The following ZNF347 variants were observed in gnomAD, a reference collection of about 807,000 sequenced individuals.
ZNF347 encodes the protein CTD-2620I22.7.
Under a neutral mutation model 12.9 loss-of-function variants are expected in ZNF347, and 19 were observed. That is an observed-to-expected ratio of 1.47 (90% CI 1.03 to 2.16). The LOEUF is 2.16. ZNF347 is among the 30% of genes most tolerant of loss of function. The pLI, the probability that ZNF347 is intolerant of heterozygous loss-of-function variation, is 0.00. For missense variants in ZNF347, 1,005 were observed against 990.6 expected (o/e 1.01, Z -0.19); for synonymous variants, 328 against 340.6 (o/e 0.96, Z 0.41).
chr19:53,142,887 G>T (rs1243222952), intron 4 of ZNF347, among the ~76,000 whole-genome samples: 1 of 152,248 alleles, frequency 6.6e-6, no homozygotes, highest in South Asian at 2.1e-4. Flanking sequence ...AATTTACCAT[G>T]ATCAGACCTG....
At chr19:53,152,380 G>C (rs569241952) in intron 2 of ZNF347, among the ~76,000 whole-genome samples, 1 of 152,016 alleles carries the variant, frequency 6.6e-6, no homozygotes, top group African/African-American at 2.4e-5. Flanking sequence ...GCCAAGGTGG[G>C]CTGATCACTT....
rs1599849138 is a variant in ZNF347 at position 53,138,792 on chromosome 19, G to C, written c.*1516C>G. 6.6e-6 allele frequency: 1 copy of C among 152,222 alleles called. No individual in the cohort carries two copies. Among genetic ancestry groups the C allele is most frequent in the East Asian group, 1.9e-4 (1 of 5,172 alleles). The allele number at this position is 152,222 out of a possible 1,614,324, so 9.4% of individuals were successfully genotyped here. ...AAAATGATGTTGGTACAAAGAATGT[G>C]ATTTGTTTATAGTTATAAGAAAACG... is the stretch of plus-strand genomic sequence containing the variant. On this transcript the variant is annotated 3_prime_UTR_variant, in exon 5 of 5. Coordinates refer to ENST00000334197, the MANE Select transcript of ZNF347 (RefSeq NM_032584.3).
At position 53,138,840 on chromosome 19, in the gene ZNF347, TTA is replaced by T. The variant is rs1231153543; in HGVS notation, c.*1466_*1467del. 7 of 152,258 alleles carry T rather than the reference TTA, an allele frequency of 4.6e-5. 1 individual carries two copies. Among genetic ancestry groups the T allele is most frequent in the African/African-American group, 1.7e-4 (7 of 41,558 alleles). The allele number at this position is 152,258 out of a possible 1,614,324, so 9.4% of individuals were successfully genotyped here. On this transcript the variant is annotated 3_prime_UTR_variant, in exon 5 of 5. Coordinates refer to ENST00000334197, the MANE Select transcript of ZNF347 (RefSeq NM_032584.3). The stretch of plus-strand genomic sequence containing the variant: ...ACGTTGAATTTTTTTTAGCAAAACA[TTA>T]TGTCTGTGACACATTCTTAATAAAA...
intron 2 of ZNF347, among the ~76,000 whole-genome samples, chr19:53,151,536 A>G (rs1388142461): frequency 1.2e-3 from 5 of 4,202 alleles, no homozygotes; most frequent in Admixed American, 4.2e-3. Context: ...AGACTGTCTA[A>G]AAAAAAAAAA....
chr19:53,153,609 C>T (rs767738991), intron 2 of ZNF347, 124 bp downstream of exon 2: 179 of 1,453,702 alleles, frequency 1.2e-4, no homozygotes, highest in East Asian at 1.8e-4. Context: ...AGGGAAGGCA[C>T]GCGTAAGTGC....
chr19:53,137,429 C>A lies in ZNF347; in HGVS notation c.*2879G>T, dbSNP rs1398567761. 6.6e-6 allele frequency: 1 copy of A among 152,122 alleles called. No homozygotes were observed. The highest frequency in any genetic ancestry group is 1.5e-5 in the Non-Finnish European group (1 of 68,038). The allele number at this position is 152,122 out of a possible 1,614,324, so 9.4% of individuals were successfully genotyped here. A position where few individuals can be genotyped will look rare whatever the true frequency, so the allele number is the denominator to read the frequency against. ...TTTATTAAAGGTTATTACCATAACA[C>A]CCCAAGCAAGTTATTTATCCCTGCT... On this transcript the variant is annotated 3_prime_UTR_variant, in exon 5 of 5. Coordinates refer to ENST00000334197, the MANE Select transcript of ZNF347 (RefSeq NM_032584.3).
At chr19:53,153,697 A>G in intron 2 of ZNF347, 36 bp downstream of exon 2, 2 of 1,608,592 alleles carry the variant, frequency 1.2e-6, no homozygotes, top group Middle Eastern at 3.3e-4. Flanking sequence ...AAGAAGAAAT[A>G]AGAGACAGAA....
chr19:53,157,183 C>A (rs534119772), intron 1 of ZNF347, among the ~76,000 whole-genome samples: 1 of 152,140 alleles, frequency 6.6e-6, no homozygotes, highest in Non-Finnish European at 1.5e-5. Context: ...GTCAAATGCA[C>A]GTGTTACGCA....
Position 53,136,888 on chromosome 19 carries a change from G to C in ZNF347, c.*3420C>G, listed in dbSNP as rs1453620857. 6.6e-6 allele frequency: 1 copy of C among 152,142 alleles called. No individual in the cohort carries two copies. The highest frequency in any genetic ancestry group is 1.5e-5 in the Non-Finnish European group (1 of 68,026). 9.4% of individuals were successfully genotyped at this position (152,142 alleles called of 1,614,324 possible). A position where few individuals can be genotyped will look rare whatever the true frequency, so the allele number is the denominator to read the frequency against. ...GAGGTCTTCCCTAACAAAGAAGTTA[G>C]AAATTTCTTTTGTTTTTTTGAGAGT... On this transcript the variant is annotated 3_prime_UTR_variant, in exon 5 of 5. Transcript: ENST00000334197.
Position 53,145,184 on chromosome 19 carries a change from G to C in ZNF347, c.272-2628C>G, listed in dbSNP as rs529707710. ...CACACGCCTATAATCCTAGCTACTCGGGAGGCTGAGGCAGGAGAATTGCTT... is the reference window on the plus strand; with the variant it reads ...CACACGCCTATAATCCTAGCTACTCCGGAGGCTGAGGCAGGAGAATTGCTT... On this transcript the variant is annotated intron_variant, in intron 4 of 4. Coordinates refer to ENST00000334197, the MANE Select transcript of ZNF347 (RefSeq NM_032584.3). Among the ~76,000 whole-genome samples the C allele has an allele frequency of 4.0e-5, 6 of 151,520 alleles. No homozygotes were observed. The South Asian group carries it at 1.3e-3, about 32-fold the overall frequency.
rs2090381696 is a variant in ZNF347, at chr19:53,135,337, T to TAGAGAGAGAGAGAGAGAG, written c.*4970_*4971insCTCTCTCTCTCTCTCTCT. 2 of 86,048 alleles carry TAGAGAGAGAGAGAGAGAG rather than the reference T, an allele frequency of 2.3e-5. No individual in the cohort carries two copies. Among genetic ancestry groups the TAGAGAGAGAGAGAGAGAG allele is most frequent in the African/African-American group, 1.1e-4 (2 of 18,330 alleles). 5.3% of individuals were successfully genotyped at this position (86,048 alleles called of 1,614,324 possible). A position where few individuals can be genotyped will look rare whatever the true frequency, so the allele number is the denominator to read the frequency against. On this transcript the variant is annotated 3_prime_UTR_variant, in exon 5 of 5. Transcript: ENST00000334197. Reference sequence around the variant, plus strand: ...ATATATATATATATATATATATATATATAGAGAGAGAGAGAGAGAGAGAGA... The same window carrying TAGAGAGAGAGAGAGAGAG: ...ATATATATATATATATATATATATATAGAGAGAGAGAGAGAGAGATAGAGAGAGAGAGAGAGAGAGAGA...
Position 53,140,476 on chromosome 19 carries a change from C to A in ZNF347, c.2352G>T (p.Gln784His). 6.2e-7 allele frequency: 1 copy of A among 1,613,848 alleles called. No homozygotes were observed. The highest frequency in any genetic ancestry group is 1.7e-5 in the Admixed American group (1 of 60,012). The change falls in exon 5 of 5, where the codon CAG becomes CAT. Residue 784 changes from glutamine to histidine, a missense_variant. By Grantham distance (24) the Gln-to-His change is conservative (BLOSUM62 0). Coordinates refer to ENST00000334197, the MANE Select transcript of ZNF347 (RefSeq NM_032584.3). ...ATGGTTTCTCTCCGGTATGAATTCTCTGATGCCTTGCAAGTTTTGAAGTTT... is the reference window on the plus strand; with the variant it reads ...ATGGTTTCTCTCCGGTATGAATTCTATGATGCCTTGCAAGTTTTGAAGTTT... ...FSQTSKLARHQRIHTGEKPYE... is the reference protein window; with the variant it reads ...FSQTSKLARHHRIHTGEKPYE...
chr19:53,158,410 G>A (rs898198974), intron 1 of ZNF347, among the ~76,000 whole-genome samples: 1 of 152,230 alleles, frequency 6.6e-6, no homozygotes, highest in Non-Finnish European at 1.5e-5. Flanking sequence ...CACCCAGGGC[G>A]GGAATCCACC....
Position 53,153,164 on chromosome 19 carries a change from G to A in ZNF347, c.15+569C>T, listed in dbSNP as rs566851625. Among the ~76,000 whole-genome samples, 436 of 152,198 alleles carry A rather than the reference G, an allele frequency of 2.9e-3. 4 individuals carry two copies. Among genetic ancestry groups the A allele is most frequent in the African/African-American group, 0.01 (417 of 41,526 alleles). On this transcript the variant is annotated intron_variant, in intron 2 of 4. Coordinates refer to ENST00000334197, the MANE Select transcript of ZNF347 (RefSeq NM_032584.3). ...GTTGATTTCATGTATTAAAATAGATGATGGGATGAAAGAACCCTCTGTCAC... is the reference window on the plus strand; with the variant it reads ...GTTGATTTCATGTATTAAAATAGATAATGGGATGAAAGAACCCTCTGTCAC...
At position 53,137,341 on chromosome 19, in the gene ZNF347, T is replaced by C. The variant is rs2090393142; in HGVS notation, c.*2967A>G. Reference sequence around the variant, plus strand: ...CTGGCCAAGCTGATAATGTCCGTGTTCCCTCCTTTGGCACTAGATGGAAGT... The same window carrying C: ...CTGGCCAAGCTGATAATGTCCGTGTCCCCTCCTTTGGCACTAGATGGAAGT... On this transcript the variant is annotated 3_prime_UTR_variant, in exon 5 of 5. Coordinates refer to ENST00000334197, the MANE Select transcript of ZNF347 (RefSeq NM_032584.3). 1 of 152,162 alleles carries C rather than the reference T, an allele frequency of 6.6e-6. No individual in the cohort carries two copies. Among genetic ancestry groups the C allele is most frequent in the African/African-American group, 2.4e-5 (1 of 41,448 alleles). The allele number at this position is 152,162 out of a possible 1,614,324, so 9.4% of individuals were successfully genotyped here. A position where few individuals can be genotyped will look rare whatever the true frequency, so the allele number is the denominator to read the frequency against.
Position 53,149,226 on chromosome 19 carries a change from G to A in ZNF347, c.142+15C>T. ...CAGGGGCAGATCCTGACTTCTGGAA[G>A]AAAGTCATCCTCACCCAGGGAGGCC... is the stretch of plus-strand genomic sequence containing the variant. On this transcript the variant is annotated intron_variant, in intron 3 of 4. Coordinates refer to ENST00000334197, the MANE Select transcript of ZNF347 (RefSeq NM_032584.3). 6.2e-7 allele frequency: 1 copy of A among 1,610,680 alleles called. No homozygotes were observed. The highest frequency in any genetic ancestry group is 8.5e-7 in the Non-Finnish European group (1 of 1,178,992).
chr19:53,149,432 G>C (rs974899264), intron 2 of ZNF347, 65 bp from the exon 3 acceptor site: 17 of 1,606,938 alleles, frequency 1.1e-5, no homozygotes, highest in African/African-American at 1.3e-5. Flanking sequence ...CATAAAATGA[G>C]AAGACAGAAT....
rs545460556 is a variant in ZNF347, at chr19:53,147,154, C to A, written c.271+1527G>T. Among the ~76,000 whole-genome samples the A allele has an allele frequency of 1.0e-3, 153 of 152,214 alleles. 1 individual carries two copies. Among genetic ancestry groups the A allele is most frequent in the African/African-American group, 3.3e-3 (136 of 41,518 alleles). ...CTTTGGGTGGTTGAGGCAGGTGGAT[C>A]ACCTGAGGTAAGGAGTTCAAGACCA... On this transcript the variant is annotated intron_variant, in intron 4 of 4. Transcript: ENST00000334197.
intron 4 of ZNF347, among the ~76,000 whole-genome samples, chr19:53,145,078 G>GGTGATCCTGATCCTGGA (rs1568639091): frequency 3.3e-5 from 5 of 151,920 alleles, no homozygotes; most frequent in African/African-American, 1.2e-4. Flanking sequence ...ATCACCTGGC[G>GGTGATCCTGATCCTGGA]TCAGGAGTTC....
Sources: gnomAD v4.1 joint callset for allele counts (sites outside exome capture counted in the v4.1 genomes callset) on GRCh38, gnomAD v4.1.1 for gene constraint, MANE v1.5 for transcripts, NCBI Gene and HGNC (gene_info 2026-07-23, HGNC 2026-07-21) for gene names.